DMD: variants seen among roughly 807,000 people sequenced by gnomAD.
DMD encodes dystrophin.
In DMD, 63 loss-of-function variants were observed where a neutral mutation model predicts 330.1. That is an observed-to-expected ratio of 0.19 (90% CI 0.16 to 0.24). The LOEUF (loss-of-function observed/expected upper bound fraction) is 0.24, where lower values mean the gene tolerates loss of function less well. Among genes scored for constraint, DMD ranks in the 10% least tolerant of loss-of-function variants. DMD has a pLI of 1.00. For synonymous variants in DMD, 1,223 were observed against 959.8 expected, an observed-to-expected ratio of 1.27 and a Z score of -5.07; for missense variants, 3,344 against 2,684.1, an observed-to-expected ratio of 1.25 and a Z score of -5.43.
At chrX:32,479,764 C>T (rs971252683) in intron 21 of DMD, among the ~76,000 whole-genome samples, 2 of 108,101 alleles carry the variant, frequency 1.9e-5, no homozygotes, top group Admixed American at 2.0e-4. Flanking sequence ...TATATATCTA[C>T]CACTATGCAT....
chrX:32,618,326 C>T (rs180717957), intron 11 of DMD, among the ~76,000 whole-genome samples: 11 of 111,941 alleles, frequency 9.8e-5, no homozygotes, highest in East Asian at 8.5e-4. Context: ...GAATACTATG[C>T]GGCCATGAAA....
intron 50 of DMD, among the ~76,000 whole-genome samples, chrX:31,793,388 A>G (rs6628646): frequency 0.13 from 14,028 of 110,659 alleles, 708 homozygotes; most frequent in East Asian, 0.26. Flanking sequence ...GAGTTGTGTA[A>G]ATGCCTATAT....
intron 43 of DMD, among the ~76,000 whole-genome samples, chrX:32,227,632 G>A (rs1475432507): frequency 9.2e-6 from 1 of 108,729 alleles, no homozygotes; most frequent in Non-Finnish European, 1.9e-5. Context: ...TGCATGATGG[G>A]TACACAAAAA....
intron 1 of DMD, among the ~76,000 whole-genome samples, chrX:33,142,530 G>A (rs1285273203): frequency 8.9e-6 from 1 of 112,343 alleles, no homozygotes; most frequent in African/African-American, 3.2e-5. Flanking sequence ...GGAAAGGTTT[G>A]GGGTTTTTAA....
intron 44 of DMD, among the ~76,000 whole-genome samples, chrX:32,178,563 T>C (rs2096914298): frequency 9.0e-6 from 1 of 110,503 alleles, no homozygotes; most frequent in African/African-American, 3.3e-5. Context: ...TATCTTTTAA[T>C]ATATTAATAT....
intron 62 of DMD, among the ~76,000 whole-genome samples, chrX:31,275,685 A>G (rs1435813864): frequency 9.0e-6 from 1 of 111,549 alleles, no homozygotes; most frequent in East Asian, 2.8e-4. Context: ...TATGCCAAGT[A>G]GATGATGACA....
chrX:31,154,584 A>T (rs2148014147), intron 74 of DMD, among the ~76,000 whole-genome samples: 1 of 110,954 alleles, frequency 9.0e-6, no homozygotes, highest in Non-Finnish European at 1.9e-5. Context: ...GTGAGCCAAC[A>T]TGCCCAGCCT....
At chrX:32,229,521 A>G (rs1211598851) in intron 43 of DMD, among the ~76,000 whole-genome samples, 3 of 104,857 alleles carry the variant, frequency 2.9e-5, no homozygotes, top group Admixed American at 2.1e-4. Context: ...TTCTGATACT[A>G]CCAATTAGAA....
At chrX:32,400,922 G>A (rs866994353) in intron 30 of DMD, among the ~76,000 whole-genome samples, 63 of 110,338 alleles carry the variant, frequency 5.7e-4, no homozygotes, top group Middle Eastern at 9.4e-3. Context: ...CAAAGACTTG[G>A]AACCAACCCA....
intron 44 of DMD, among the ~76,000 whole-genome samples, chrX:32,033,349 T>C (rs749375135): frequency 9.1e-6 from 1 of 110,442 alleles, no homozygotes; most frequent in Admixed American, 9.8e-5. Context: ...ATTGTGCATG[T>C]AGTATTTATT....
chrX:31,372,474 G>T (rs770251252), intron 60 of DMD, among the ~76,000 whole-genome samples: 2 of 112,078 alleles, frequency 1.8e-5, no homozygotes, highest in South Asian at 7.5e-4. Flanking sequence ...AAGCTTGACT[G>T]TAGTGTGCAA....
intron 2 of DMD, among the ~76,000 whole-genome samples, chrX:32,953,134 A>G (rs1328005877): frequency 1.1e-5 from 1 of 93,290 alleles, no homozygotes; most frequent in Admixed American, 1.2e-4. Context: ...GACTCCACCA[A>G]AAAAAAAAAA....
intron 2 of DMD, among the ~76,000 whole-genome samples, chrX:32,882,809 A>G (rs752021171): frequency 2.2e-4 from 25 of 112,353 alleles, no homozygotes; most frequent in African/African-American, 7.7e-4. Flanking sequence ...AAATTGCTAT[A>G]CCATCCATAC....
chrX:32,836,896 A>G (rs777185890), intron 4 of DMD, among the ~76,000 whole-genome samples: 6 of 111,895 alleles, frequency 5.4e-5, no homozygotes, highest in Admixed American at 9.6e-5. Flanking sequence ...AATTTTTTTT[A>G]CTATTTTCCT....
Position 32,569,319 on chromosome X carries a change from G to C in DMD, c.1813-3438C>G, listed in dbSNP as rs749893274. 4.5e-5 allele frequency among the ~76,000 whole-genome samples: 5 copies of C among 111,936 alleles called. No homozygotes were observed. The Admixed American group carries it at 4.7e-4, about 11-fold the overall frequency. On this transcript the variant is annotated intron_variant, in intron 15 of 78. Coordinates refer to ENST00000357033, the MANE Select transcript of DMD (RefSeq NM_004006.3). ...TGCCAAGACAATTTCTCCTATATTG[G>C]CAAAATTGAGTTTTCCACCTATATT...
At chrX:32,446,191 T>C (rs2098303398) in intron 27 of DMD, among the ~76,000 whole-genome samples, 1 of 110,741 alleles carries the variant, frequency 9.0e-6, no homozygotes. Flanking sequence ...TCTGTTCTAA[T>C]TAACACACCA....
intron 55 of DMD, among the ~76,000 whole-genome samples, chrX:31,512,016 G>T (rs1417657980): frequency 9.1e-6 from 1 of 109,963 alleles, no homozygotes; most frequent in African/African-American, 3.3e-5. Context: ...ACTTTTAAAT[G>T]ATTGCCATTC....
chrX:32,581,463 G>T (rs1210600884), intron 13 of DMD, among the ~76,000 whole-genome samples: 1 of 111,324 alleles, frequency 9.0e-6, no homozygotes. Context: ...TCAAACAATG[G>T]TAGCTAATAA....
intron 60 of DMD, among the ~76,000 whole-genome samples, chrX:31,411,758 C>T (rs1351925318): frequency 3.6e-5 from 4 of 110,281 alleles, no homozygotes; most frequent in Non-Finnish European, 5.7e-5. Flanking sequence ...CTCAGCCTCC[C>T]GAGTAGCTGG....
Sources: gnomAD v4.1 joint callset for allele counts (sites outside exome capture counted in the v4.1 genomes callset) on GRCh38, gnomAD v4.1.1 for gene constraint, MANE v1.5 for transcripts, NCBI Gene and HGNC (gene_info 2026-07-23, HGNC 2026-07-21) for gene names.